POMT2: variants seen among roughly 807,000 people sequenced by gnomAD.
POMT2 encodes the protein protein O-mannosyltransferase 2.
In POMT2, 75 loss-of-function variants were observed where a neutral mutation model predicts 100.0. That is an observed-to-expected ratio of 0.75 (90% CI 0.62 to 0.91). The LOEUF (loss-of-function observed/expected upper bound fraction) is 0.91. Among genes scored for constraint, POMT2 ranks in the 40% least tolerant of loss-of-function variants. The pLI is 0.00. For missense variants in POMT2, 940 were observed against 955.1 expected, an observed-to-expected ratio of 0.98 and a Z score of 0.21; for synonymous variants, 378 against 374.1, an observed-to-expected ratio of 1.01 and a Z score of -0.12.
intron 3 of POMT2, among the ~76,000 whole-genome samples, chr14:77,305,348 G>A (rs1475739395): frequency 6.6e-6 from 1 of 152,092 alleles, no homozygotes. Context: ...ATACCTGTTT[G>A]GTTTTTTGTT....
Position 77,278,783 on chromosome 14 carries a change from C to A in POMT2, c.1978G>T (p.Val660Phe), listed in dbSNP as rs200690151. Reference protein sequence around the residue: ...HYFPFFLMGRVLYFHHYFPAM... With the variant: ...HYFPFFLMGRFLYFHHYFPAM... ...GGGAAGTAGTGGTGGAAGTAGAGGACCCGGCCCATCAGGAAAAACGGGAAG... is the reference window on the plus strand; with the variant it reads ...GGGAAGTAGTGGTGGAAGTAGAGGAACCGGCCCATCAGGAAAAACGGGAAG... The change falls in exon 19 of 21, where the codon GTC (valine) becomes TTC (phenylalanine). Residue 660 changes from valine (V) to phenylalanine (F), a missense_variant. By Grantham distance (50) the Val-to-Phe change is conservative. Transcript: ENST00000261534. 159 of 1,613,810 alleles carry A rather than the reference C, an allele frequency of 9.9e-5. No homozygotes were observed. The highest frequency in any genetic ancestry group is 1.1e-4 in the Non-Finnish European group (134 of 1,179,944).
chr14:77,282,807 G>C (rs1890280331), intron 15 of POMT2, among the ~76,000 whole-genome samples: 2 of 152,180 alleles, frequency 1.3e-5, no homozygotes, highest in African/African-American at 4.8e-5. Flanking sequence ...CACTTCCAGG[G>C]AAGTCCACTT....
chr14:77,290,830 A>G (rs1890612353), intron 10 of POMT2, among the ~76,000 whole-genome samples: 1 of 152,256 alleles, frequency 6.6e-6, no homozygotes, highest in Admixed American at 6.5e-5. Flanking sequence ...TCACAGGACT[A>G]GTAGCCCCTC....
At chr14:77,288,646 G>T (rs1357937244) in intron 11 of POMT2, 116 bp downstream of exon 11, 1 of 858,700 alleles carries the variant, frequency 1.2e-6, no homozygotes, top group African/African-American at 1.7e-5. Context: ...CTCGCACTGT[G>T]GCCTTGCTCC....
At chr14:77,291,500 C>G in intron 9 of POMT2, 120 bp from the exon 10 acceptor site, 1 of 1,386,830 alleles carries the variant, frequency 7.2e-7, no homozygotes, top group Non-Finnish European at 9.9e-7. Context: ...ATTTCAGAAT[C>G]CCCAGCCACC....
At chr14:77,320,408 C>T (rs1479300772) in intron 1 of POMT2, 26 bp downstream of exon 1, 2 of 1,545,212 alleles carry the variant, frequency 1.3e-6, no homozygotes. Flanking sequence ...TGCCATGGTG[C>T]CCGCCGAGTC....
chr14:77,279,358 G>C, intron 18 of POMT2: 1 of 367,652 alleles, frequency 2.7e-6, no homozygotes, highest in Middle Eastern at 9.7e-4. Flanking sequence ...AAGTTACCAA[G>C]AACAGCACTG....
chr14:77,316,454 G>C (rs891058353), intron 1 of POMT2, among the ~76,000 whole-genome samples: 1 of 150,994 alleles, frequency 6.6e-6, no homozygotes, highest in African/African-American at 2.4e-5. Context: ...CGTGCCTGTA[G>C]TGCCAGCTAC....
Position 77,280,274 on chromosome 14 carries a change from C to T in POMT2, c.1725+118G>A, listed in dbSNP as rs142302541. 6.4e-4 allele frequency: 1,005 copies of T among 1,565,562 alleles called. 17 individuals are homozygous for T. The East Asian group carries it at 0.02, about 31-fold the overall frequency. On this transcript the variant is annotated intron_variant, in intron 16 of 20. Coordinates refer to ENST00000261534, the MANE Select transcript of POMT2 (RefSeq NM_013382.7). ...AACAGATACTCCCACCTCTGGCCAA[C>T]CCATCCCAGGAGGCCCCTCGCCCTG...
At chr14:77,286,677 C>T (rs181514044) in intron 12 of POMT2, 67 bp downstream of exon 12, 424 of 1,600,956 alleles carry the variant, frequency 2.6e-4, no homozygotes, top group Middle Eastern at 2.5e-3. Context: ...GGAGATATCC[C>T]ACCACACAGC....
At position 77,291,635 on chromosome 14, in the gene POMT2, C is replaced by T. The variant is rs1310119451; in HGVS notation, c.1117-255G>A. 14 of 601,818 alleles carry T rather than the reference C, an allele frequency of 2.3e-5. No homozygotes were observed. The East Asian group carries it at 3.7e-4, about 16-fold the overall frequency. 37.3% of individuals were successfully genotyped at this position (601,818 alleles called of 1,614,324 possible). On this transcript the variant is annotated intron_variant, in intron 9 of 20. Transcript: ENST00000261534. ...CTTTTTGTTTCTTTGTATCTTTCTG[C>T]ATCTTGTCCTAAAAGTTCCATCCAG...
At chr14:77,283,514 G>A (rs1273574149) in intron 15 of POMT2, among the ~76,000 whole-genome samples, 1 of 152,192 alleles carries the variant, frequency 6.6e-6, no homozygotes, top group Non-Finnish European at 1.5e-5. Flanking sequence ...GGGAATGATG[G>A]CAACCTCCAT....
Position 77,278,369 on chromosome 14 carries a change from G to A in POMT2, c.2147+25C>T, listed in dbSNP as rs1352717575. ...GCACTGCTGAGCCCACACTGGGAGG[G>A]CATGTGAGGTGCAGAGATGCTCACC... On this transcript the variant is annotated intron_variant, in intron 20 of 20. Transcript: ENST00000261534. 23 of 1,442,034 alleles carry A rather than the reference G, an allele frequency of 1.6e-5. No individual in the cohort carries two copies. In the Middle Eastern group the frequency reaches 5.8e-4, roughly 36 times the overall value. 89.3% of individuals were successfully genotyped at this position (1,442,034 alleles called of 1,614,324 possible). A position where few individuals can be genotyped will look rare whatever the true frequency, so the allele number is the denominator to read the frequency against.
intron 11 of POMT2, chr14:77,287,496 A>T (rs1890469919): frequency 6.7e-6 from 1 of 148,992 alleles, no homozygotes; most frequent in Non-Finnish European, 1.5e-5. Flanking sequence ...AACCATAGCT[A>T]ATTGCTTCTC....
intron 1 of POMT2, among the ~76,000 whole-genome samples, chr14:77,313,607 C>T (rs1891518755): frequency 6.6e-6 from 1 of 152,174 alleles, no homozygotes; most frequent in African/African-American, 2.4e-5. Context: ...CCTGCTGGGC[C>T]CTCCTTAAAC....
At chr14:77,304,829 T>C (rs746210969) in intron 3 of POMT2, 29 bp from the exon 4 acceptor site, 2 of 1,562,062 alleles carry the variant, frequency 1.3e-6, no homozygotes, top group Non-Finnish European at 8.7e-7. Flanking sequence ...AGCTGTCAAA[T>C]AACAAGCTGA....
intron 1 of POMT2, chr14:77,312,353 G>A: frequency 3.4e-6 from 1 of 291,902 alleles, no homozygotes; most frequent in Non-Finnish European, 6.5e-6. Flanking sequence ...CTCATAATAT[G>A]GAAAGGTTTG....
chr14:77,302,612 C>T (rs1891081672), intron 5 of POMT2, among the ~76,000 whole-genome samples: 1 of 152,144 alleles, frequency 6.6e-6, no homozygotes, highest in South Asian at 2.1e-4. Flanking sequence ...TTTTCTCGGT[C>T]TTGAATATGG....
intron 5 of POMT2, 44 bp downstream of exon 5, chr14:77,302,791 G>T: frequency 6.5e-7 from 1 of 1,536,954 alleles, no homozygotes. Context: ...TTTTGGAGTT[G>T]CCACAGCTTC....
Sources: gnomAD v4.1 joint callset for allele counts (sites outside exome capture counted in the v4.1 genomes callset) on GRCh38, gnomAD v4.1.1 for gene constraint, MANE v1.5 for transcripts, NCBI Gene and HGNC (gene_info 2026-07-23, HGNC 2026-07-21) for gene names.